Variants in MCCC1 observed in about 807,000 individuals in gnomAD.
The protein encoded by MCCC1 is methylcrotonoyl-CoA carboxylase subunit alpha, mitochondrial.
MCCC1 carries 64 observed loss-of-function variants against 83.8 expected under a neutral mutation model. That is an observed-to-expected ratio of 0.76 (90% CI 0.62 to 0.94). The LOEUF is 0.94. Among genes scored for constraint, MCCC1 ranks in the 40% least tolerant of loss-of-function variants. MCCC1 has a pLI of 0.00. For synonymous variants in MCCC1, 322 were observed against 315.4 expected (o/e 1.02, Z -0.22); for missense variants, 807 against 904.7 (o/e 0.89, Z 1.39).
intron 11 of MCCC1, among the ~76,000 whole-genome samples, chr3:183,041,072 G>C (rs1714044815): frequency 6.6e-6 from 1 of 152,212 alleles, no homozygotes; most frequent in Non-Finnish European, 1.5e-5. Context: ...GTGCCTGTAA[G>C]TAGGAAGTCC....
Position 183,015,577 on chromosome 3 carries a change from A to G in MCCC1, c.2050-11T>C, listed in dbSNP as rs1298838105. ...AGACTTTATGGTATGCTGCAGAGAC[A>G]CATGACAGGACAAATGATAGCTGCA... is the stretch of plus-strand genomic sequence containing the variant. On this transcript the variant is annotated splice_polypyrimidine_tract_variant and intron_variant, in intron 18 of 18. Coordinates refer to ENST00000265594, the MANE Select transcript of MCCC1 (RefSeq NM_020166.5). 1 of 1,614,018 alleles carries G rather than the reference A, an allele frequency of 6.2e-7. No individual in the cohort carries two copies. The highest frequency in any genetic ancestry group is 8.5e-7 in the Non-Finnish European group (1 of 1,179,986).
intron 14 of MCCC1, among the ~76,000 whole-genome samples, 154 bp downstream of exon 14, chr3:183,033,836 CA>C (rs1713284828): frequency 2.0e-5 from 3 of 152,132 alleles, no homozygotes; most frequent in African/African-American, 7.2e-5. Flanking sequence ...CAGAGCCAAT[CA>C]ATTCTATTAT....
chr3:183,045,878 T>A (rs981737075), intron 9 of MCCC1, among the ~76,000 whole-genome samples: 1 of 152,188 alleles, frequency 6.6e-6, no homozygotes, highest in African/African-American at 2.4e-5. Flanking sequence ...TACCATGACA[T>A]CCCATCTCAC....
At chr3:183,092,318 T>G in intron 3 of MCCC1, 91 bp downstream of exon 3, 1 of 1,539,950 alleles carries the variant, frequency 6.5e-7, no homozygotes, top group Non-Finnish European at 8.9e-7. Context: ...CTGATAACAC[T>G]AGCAAATATC....
At chr3:183,090,676 G>A (rs1005857635) in intron 3 of MCCC1, among the ~76,000 whole-genome samples, 4 of 151,464 alleles carry the variant, frequency 2.6e-5, no homozygotes, top group African/African-American at 4.9e-5. Flanking sequence ...TGCAACCTCC[G>A]CCTCCCGGGT....
chr3:183,031,377 T>C (rs1713055000), intron 14 of MCCC1, among the ~76,000 whole-genome samples: 1 of 152,114 alleles, frequency 6.6e-6, no homozygotes, highest in Non-Finnish European at 1.5e-5. Flanking sequence ...AAACGTGGCC[T>C]CTAGTAGCAA....
At chr3:183,056,986 C>T (rs372527882) in intron 8 of MCCC1, among the ~76,000 whole-genome samples, 236 of 152,308 alleles carry the variant, frequency 1.5e-3, no homozygotes, top group African/African-American at 4.7e-3. Flanking sequence ...TGAGCCACCG[C>T]GCCTGGCCAT....
At chr3:183,114,462 G>A (rs978505803) in intron 1 of MCCC1, among the ~76,000 whole-genome samples, 2 of 152,122 alleles carry the variant, frequency 1.3e-5, no homozygotes, top group African/African-American at 4.8e-5. Flanking sequence ...GGGATCTGAT[G>A]CTGTCTCCAG....
chr3:183,022,595 A>G lies in MCCC1; in HGVS notation c.1732-41T>C, dbSNP rs1712249046. On this transcript the variant is annotated intron_variant, in intron 15 of 18. Transcript: ENST00000265594. ...AATAAGATTTTTAAAATAAATGAACAACACTACAGAATTAATAAGATCAGA... is the reference window on the plus strand; with the variant it reads ...AATAAGATTTTTAAAATAAATGAACGACACTACAGAATTAATAAGATCAGA... The G allele has an allele frequency of 4.0e-6, 6 of 1,482,896 alleles. No individual in the cohort carries two copies. The East Asian group carries it at 1.2e-4, about 29-fold the overall frequency. 91.9% of individuals were successfully genotyped at this position (1,482,896 alleles called of 1,614,324 possible). A position where few individuals can be genotyped will look rare whatever the true frequency, so the allele number is the denominator to read the frequency against.
chr3:183,025,177 G>C (rs1011958186), intron 15 of MCCC1, among the ~76,000 whole-genome samples: 1 of 152,204 alleles, frequency 6.6e-6, no homozygotes, highest in African/African-American at 2.4e-5. Flanking sequence ...TGTTTAATCA[G>C]TGAGTACGGA....
At chr3:183,073,976 C>T (rs147126812) in intron 4 of MCCC1, among the ~76,000 whole-genome samples, 214 of 152,222 alleles carry the variant, frequency 1.4e-3, no homozygotes, top group African/African-American at 4.8e-3. Context: ...GTGGAGACAG[C>T]GTGGAGACAC....
intron 1 of MCCC1, among the ~76,000 whole-genome samples, chr3:183,114,349 G>A (rs1255043395): frequency 6.6e-6 from 1 of 151,284 alleles, no homozygotes; most frequent in Non-Finnish European, 1.5e-5. Context: ...CCCTTTCTTG[G>A]GGCCAAATTT....
At chr3:183,054,901 C>G (rs1715292911) in intron 8 of MCCC1, among the ~76,000 whole-genome samples, 1 of 152,116 alleles carries the variant, frequency 6.6e-6, no homozygotes, top group Non-Finnish European at 1.5e-5. Flanking sequence ...AGTACAGTAA[C>G]ATGCTGTATA....
At position 183,017,129 on chromosome 3, in the gene MCCC1, G is replaced by T; in HGVS notation, c.2049+137C>A. The T allele has an allele frequency of 4.8e-6, 4 of 828,574 alleles. No individual in the cohort carries two copies. In the South Asian group the frequency reaches 5.7e-5, roughly 12 times the overall value. The allele number at this position is 828,574 out of a possible 1,614,324, so 51.3% of individuals were successfully genotyped here. ...TCTACAAGAAGGATAGTTTGGTTTTGTTTCCTACAATTAATGCTTCGTCAA... is the reference window on the plus strand; with the variant it reads ...TCTACAAGAAGGATAGTTTGGTTTTTTTTCCTACAATTAATGCTTCGTCAA... On this transcript the variant is annotated intron_variant, in intron 18 of 18. Coordinates refer to ENST00000265594, the MANE Select transcript of MCCC1 (RefSeq NM_020166.5).
intron 18 of MCCC1, among the ~76,000 whole-genome samples, chr3:183,016,621 G>A (rs1373709457): frequency 6.6e-6 from 1 of 152,208 alleles, no homozygotes; most frequent in Non-Finnish European, 1.5e-5. Context: ...CCAGGTGACT[G>A]TACACATGCT....
chr3:183,023,449 C>G (rs1230541123), intron 15 of MCCC1, among the ~76,000 whole-genome samples: 1 of 152,146 alleles, frequency 6.6e-6, no homozygotes, highest in African/African-American at 2.4e-5. Flanking sequence ...AGATTGAAAA[C>G]AGTTTTGTTT....
At chr3:183,017,393 T>C in intron 17 of MCCC1, 56 bp from the exon 18 acceptor site, 1 of 1,524,218 alleles carries the variant, frequency 6.6e-7, no homozygotes, top group South Asian at 1.1e-5. Context: ...CTAGATATGT[T>C]CATCTGCTTC....
At chr3:183,085,757 G>A (rs1191613647) in intron 4 of MCCC1, among the ~76,000 whole-genome samples, 1 of 151,746 alleles carries the variant, frequency 6.6e-6, no homozygotes, top group African/African-American at 2.4e-5. Flanking sequence ...AGCCTTCTAC[G>A]TGGTGCCTTG....
intron 7 of MCCC1, among the ~76,000 whole-genome samples, chr3:183,058,779 G>T (rs1406310362): frequency 6.6e-6 from 1 of 152,122 alleles, no homozygotes; most frequent in Non-Finnish European, 1.5e-5. Flanking sequence ...ATTCTTCTCG[G>T]TAGGTTTGTG....
Sources: gnomAD v4.1 joint callset for allele counts (sites outside exome capture counted in the v4.1 genomes callset) on GRCh38, gnomAD v4.1.1 for gene constraint, MANE v1.5 for transcripts, NCBI Gene and HGNC (gene_info 2026-07-23, HGNC 2026-07-21) for gene names.